ABL1: variants seen among roughly 807,000 people sequenced by gnomAD.
ABL1 encodes the protein tyrosine-protein kinase ABL1.
In ABL1, 11 loss-of-function variants were observed where a neutral mutation model predicts 94.7. That is an observed-to-expected ratio of 0.12 (90% CI 0.07 to 0.19). ABL1 has a LOEUF of 0.19. Ranked by LOEUF, ABL1 falls within the 10% of genes least tolerant of loss-of-function variation. The pLI is 1.00. For missense variants in ABL1, 1,082 were observed against 1,489.4 expected (o/e 0.73, Z 4.50); for synonymous variants, 656 against 622.4 (o/e 1.05, Z -0.80).
At chr9:130,754,145 G>A (rs1193084021) in intron 1 of ABL1, among the ~76,000 whole-genome samples, 1 of 150,904 alleles carries the variant, frequency 6.6e-6, no homozygotes, top group Non-Finnish European at 1.5e-5. Flanking sequence ...GGCGGAGGTT[G>A]CAGTGAGCCA....
intron 1 of ABL1, among the ~76,000 whole-genome samples, chr9:130,726,217 C>T (rs1476447115): frequency 2.0e-5 from 3 of 149,962 alleles, no homozygotes; most frequent in Non-Finnish European, 4.4e-5. Flanking sequence ...ATTGAATGTA[C>T]AGCTTGATGA....
rs201978541 is a variant in ABL1 at position 130,812,328 on chromosome 9, TC to T, written c.137-41734del. The stretch of plus-strand genomic sequence containing the variant: ...GTGAGCTCTGATCACACCACTGCAC[TC>T]CTCCAGCCTGGGTGACAGCGAGATT... On this transcript the variant is annotated intron_variant, in intron 1 of 10. Coordinates refer to the ABL1 transcript ENST00000372348. Among the ~76,000 whole-genome samples the T allele has an allele frequency of 6.4e-4, 97 of 150,816 alleles. No homozygotes were observed. The East Asian group carries it at 0.016, about 24-fold the overall frequency.
intron 1 of ABL1, among the ~76,000 whole-genome samples, chr9:130,811,891 G>A (rs1481871328): frequency 4.3e-5 from 5 of 116,024 alleles, no homozygotes; most frequent in Admixed American, 1.3e-4. Context: ...TAGTCTGAGC[G>A]ACAGAGTGAG....
intron 1 of ABL1, among the ~76,000 whole-genome samples, chr9:130,762,823 G>C (rs532634524): frequency 6.6e-6 from 1 of 151,476 alleles, no homozygotes; most frequent in African/African-American, 2.4e-5. Context: ...AGGCAGGAGA[G>C]TGGCATGAAC....
upstream of ABL1, among the ~76,000 whole-genome samples, chr9:130,831,923 T>C (rs1484247655): frequency 2.6e-5 from 4 of 152,154 alleles, no homozygotes; most frequent in Non-Finnish European, 4.4e-5. Context: ...ACAGTGGATT[T>C]CCATCTTACA....
chr9:130,850,335 T>A (rs761381277), intron 1 of ABL1, among the ~76,000 whole-genome samples: 6 of 151,720 alleles, frequency 4.0e-5, no homozygotes, highest in South Asian at 4.2e-4. Context: ...AGTAAATGAT[T>A]GGAATGAATT....
chr9:130,836,171 C>T (rs1830580353), intron 1 of ABL1, among the ~76,000 whole-genome samples: 1 of 152,176 alleles, frequency 6.6e-6, no homozygotes, highest in Non-Finnish European at 1.5e-5. Context: ...GGGAGGGGAG[C>T]CCATTTAAGA....
chr9:130,718,411 G>A (rs1261339709), intron 1 of ABL1, among the ~76,000 whole-genome samples: 3 of 151,830 alleles, frequency 2.0e-5, no homozygotes, highest in Admixed American at 2.0e-4. Context: ...GTCTGTTTTG[G>A]GGGGAGAAAA....
At chr9:130,818,085 C>T (rs1468086399) in intron 1 of ABL1, among the ~76,000 whole-genome samples, 1 of 152,210 alleles carries the variant, frequency 6.6e-6, no homozygotes, top group Non-Finnish European at 1.5e-5. Context: ...TGTATTCACA[C>T]CAGTTGCTCC....
Position 130,863,315 on chromosome 9 carries a change from G to C in ABL1, c.822+280G>C, listed in dbSNP as rs1048942567. 1.3e-5 allele frequency among the ~76,000 whole-genome samples: 2 copies of C among 152,144 alleles called. No individual in the cohort carries two copies. Among genetic ancestry groups the C allele is most frequent in the Non-Finnish European group, 2.9e-5 (2 of 68,028 alleles). ...TTTGGAGAGGTTTTCTCATTTTATG[G>C]CAAGGTTCTTTTAAAGCCGTGGATT... On this transcript the variant is annotated intron_variant, in intron 4 of 10. Transcript: ENST00000318560. This position sits in a 1 kb window ranked among gnomAD's most constrained non-coding sequence, Gnocchi z 4.3.
exon 1 of ABL1, chr9:130,714,342 T>A (rs774359039): frequency 1.2e-6 from 2 of 1,612,148 alleles, no homozygotes; most frequent in African/African-American, 1.3e-5. Context: ...CCTGGAAAAG[T>A]ACTTGGGGAC....
chr9:130,880,280 A>C lies in ABL1; in HGVS notation c.1513+123A>C, dbSNP rs968804003. On this transcript the variant is annotated intron_variant, in intron 9 of 10. Coordinates refer to ENST00000318560, the MANE Select transcript of ABL1 (RefSeq NM_005157.6). This position sits in a 1 kb window ranked among gnomAD's most constrained non-coding sequence, Gnocchi z 4.4. Reference sequence around the variant, plus strand: ...CAGACCAGCCTGTCCTGAGACCAGAAAGCTGGGCAGAGGTGTGGAGTATTG... The same window carrying C: ...CAGACCAGCCTGTCCTGAGACCAGACAGCTGGGCAGAGGTGTGGAGTATTG... The C allele has an allele frequency of 1.7e-6, 2 of 1,199,102 alleles. No homozygotes were observed. The highest frequency in any genetic ancestry group is 2.4e-6 in the Non-Finnish European group (2 of 818,126). 74.3% of individuals were successfully genotyped at this position (1,199,102 alleles called of 1,614,324 possible). A position where few individuals can be genotyped will look rare whatever the true frequency, so the allele number is the denominator to read the frequency against.
intron 1 of ABL1, among the ~76,000 whole-genome samples, chr9:130,760,432 T>A (rs565002311): frequency 1.3e-5 from 2 of 152,320 alleles, no homozygotes; most frequent in Non-Finnish European, 1.5e-5. Flanking sequence ...TCAGTTATCT[T>A]AACATAGACC....
At chr9:130,860,666 G>A (rs1310067367) in intron 3 of ABL1, among the ~76,000 whole-genome samples, 1 of 152,244 alleles carries the variant, frequency 6.6e-6, no homozygotes, top group Non-Finnish European at 1.5e-5. Context: ...TACTGTGCCA[G>A]TGATTTCCAA....
Position 130,738,786 on chromosome 9 carries a change from C to A in ABL1, c.136+24331C>A, listed in dbSNP as rs561566631. Reference sequence around the variant, plus strand: ...ACCTATCAATGACATTAAGTGAGAACTTACTGTAGTTATTCCCTCCCCATT... The same window carrying A: ...ACCTATCAATGACATTAAGTGAGAAATTACTGTAGTTATTCCCTCCCCATT... On this transcript the variant is annotated intron_variant, in intron 1 of 10. Coordinates refer to the ABL1 transcript ENST00000372348. Among the ~76,000 whole-genome samples, 24 of 152,300 alleles carry A rather than the reference C, an allele frequency of 1.6e-4. No individual in the cohort carries two copies. The East Asian group carries it at 4.4e-3, about 28-fold the overall frequency.
chr9:130,743,328 C>T (rs1199640584), intron 1 of ABL1, among the ~76,000 whole-genome samples: 1 of 152,226 alleles, frequency 6.6e-6, no homozygotes, highest in Non-Finnish European at 1.5e-5. Flanking sequence ...CCGTCTTGGC[C>T]TCCCAAAGTG....
At chr9:130,782,957 CA>C (rs1266277517) in intron 1 of ABL1, among the ~76,000 whole-genome samples, 2 of 152,336 alleles carry the variant, frequency 1.3e-5, no homozygotes, top group African/African-American at 4.8e-5. Context: ...TACATAGAAA[CA>C]TTTCCCTTTT....
At chr9:130,857,945 C>T (rs1173967895) in intron 3 of ABL1, among the ~76,000 whole-genome samples, 1 of 152,016 alleles carries the variant, frequency 6.6e-6, no homozygotes, top group East Asian at 1.9e-4. Flanking sequence ...GGACATTGGG[C>T]CCTTTGAAAG....
At position 130,794,244 on chromosome 9, in the gene ABL1, T is replaced by G. The variant is rs142540914; in HGVS notation, c.137-59820T>G. ...TGGATCATGACACATTACTATCTTG[T>G]TGAATTAAACGTTGCAAACTGCAAC... On this transcript the variant is annotated intron_variant, in intron 1 of 10. Transcript: ENST00000372348. Among the ~76,000 whole-genome samples, 28 of 152,290 alleles carry G rather than the reference T, an allele frequency of 1.8e-4. 1 individual carries two copies. The East Asian group carries it at 5.4e-3, about 29-fold the overall frequency.
Sources: allele counts gnomAD v4.1 joint callset (sites outside exome capture counted in the v4.1 genomes callset), GRCh38; gene constraint gnomAD v4.1.1; non-coding constraint Gnocchi (gnomAD v3.1); transcripts MANE v1.5; gene names NCBI Gene and HGNC (gene_info 2026-07-23, HGNC 2026-07-21).